CCNJ: variants seen among roughly 807,000 people sequenced by gnomAD.
CCNJ encodes cyclin J.
A neutral mutation model predicts 41.4 loss-of-function variants in CCNJ; 12 were observed. The ratio of observed to expected loss-of-function variants is 0.29; its 90% CI spans 0.19 to 0.47. CCNJ has a LOEUF of 0.47. Among genes scored for constraint, CCNJ ranks in the 20% least tolerant of loss-of-function variants. The pLI, the probability that CCNJ is intolerant of heterozygous loss-of-function variation, is 1.00. For synonymous variants in CCNJ, 161 were observed against 173.4 expected, an observed-to-expected ratio of 0.93 and a Z score of 0.56; for missense variants, 340 against 464.6, an observed-to-expected ratio of 0.73 and a Z score of 2.47.
At chr10:96,054,962 C>T (rs746239481) in intron 3 of CCNJ, among the ~76,000 whole-genome samples, 7 of 152,284 alleles carry the variant, frequency 4.6e-5, no homozygotes, top group African/African-American at 1.4e-4. Context: ...ATGATTCATC[C>T]AGAGACACTG....
rs1208589587 is a variant in CCNJ, at chr10:96,057,118, T to C, written c.611T>C (p.Leu204Ser). 2.5e-6 allele frequency: 4 copies of C among 1,614,158 alleles called. No individual in the cohort carries two copies. Among genetic ancestry groups the C allele is most frequent in the South Asian group, 1.1e-5 (1 of 91,080 alleles). The stretch of plus-strand genomic sequence containing the variant: ...GCCTTTCTAAATTATGCACCTTCTT[T>C]AGTAGCTGCTGCATGTGTGGCTTCT... ...DYAFLNYAPS[L>S]VAAACVASSR... is the part of the protein sequence containing the mutation. Residue 204 changes from leucine (L) to serine (S), a missense_variant, in exon 5 of 6, where the codon TTA (leucine) becomes TCA (serine). Coordinates refer to ENST00000465148, the MANE Select transcript of CCNJ (RefSeq NM_001134375.2).
chr10:96,043,763 G>A, intron 1 of CCNJ, 44 bp downstream of exon 1: 1 of 387,874 alleles, frequency 2.6e-6, no homozygotes, highest in Non-Finnish European at 4.6e-6. Flanking sequence ...CAGGCCTGGG[G>A]TAGGCGTGGG....
intron 2 of CCNJ, among the ~76,000 whole-genome samples, chr10:96,046,589 C>G (rs1217881066): frequency 6.6e-6 from 1 of 152,168 alleles, no homozygotes; most frequent in Admixed American, 6.5e-5. Context: ...CTAACCTTAT[C>G]TATAATTTAG....
chr10:96,051,698 A>G (rs1474560327), intron 3 of CCNJ, among the ~76,000 whole-genome samples: 1 of 152,210 alleles, frequency 6.6e-6, no homozygotes, highest in African/African-American at 2.4e-5. Flanking sequence ...GGCTGCTTAT[A>G]AATCTAAAAC....
intron 3 of CCNJ, among the ~76,000 whole-genome samples, chr10:96,052,112 G>C (rs1352044935): frequency 6.6e-6 from 1 of 152,164 alleles, no homozygotes; most frequent in South Asian, 2.1e-4. Flanking sequence ...CCAGGAGCCA[G>C]AGAGGTAATG....
intron 3 of CCNJ, among the ~76,000 whole-genome samples, chr10:96,055,197 G>C (rs1376045294): frequency 2.6e-5 from 4 of 152,170 alleles, no homozygotes; most frequent in African/African-American, 9.7e-5. Flanking sequence ...ACTTAAGTTT[G>C]GGATCAACTT....
At position 96,050,253 on chromosome 10, in the gene CCNJ, T is replaced by C; in HGVS notation, c.70-3T>C. 1 of 1,609,922 alleles carries C rather than the reference T, an allele frequency of 6.2e-7. No homozygotes were observed. Among genetic ancestry groups the C allele is most frequent in the African/African-American group, 1.3e-5 (1 of 74,930 alleles). ...AGACTAAATGTTGTTCCTTTTGACT[T>C]AGGAGCTGAAGTTGCCCTCCTATAA... On this transcript the variant is annotated splice_polypyrimidine_tract_variant and splice_region_variant and intron_variant, in intron 2 of 5. Coordinates refer to ENST00000465148, the MANE Select transcript of CCNJ (RefSeq NM_001134375.2).
At chr10:96,054,210 C>G (rs538056295) in intron 3 of CCNJ, among the ~76,000 whole-genome samples, 2 of 152,236 alleles carry the variant, frequency 1.3e-5, no homozygotes, top group South Asian at 4.1e-4. Flanking sequence ...TATTTGGGGC[C>G]TTTATCAATA....
At chr10:96,047,702 C>T (rs2080402360) in intron 2 of CCNJ, among the ~76,000 whole-genome samples, 1 of 152,208 alleles carries the variant, frequency 6.6e-6, no homozygotes, top group Admixed American at 6.5e-5. Context: ...ATCCATTTAT[C>T]TTAGGTAATA....
chr10:96,051,303 A>G (rs979924692), intron 3 of CCNJ, among the ~76,000 whole-genome samples: 7 of 152,206 alleles, frequency 4.6e-5, no homozygotes, highest in Non-Finnish European at 7.3e-5. Flanking sequence ...CACTGAAGAT[A>G]GGGCACGTAA....
rs776605164 is a variant in CCNJ at position 96,044,410 on chromosome 10, A to G, written c.17A>G (p.Gln6Arg). The G allele has an allele frequency of 6.4e-7, 1 of 1,563,100 alleles. No individual in the cohort carries two copies. Among genetic ancestry groups the G allele is most frequent in the South Asian group, 1.2e-5 (1 of 85,512 alleles). ...CCGGGTCCCATGGAGCTGGAGGGGC[A>G]GTGGTGGCGAGGACAGCTGGCCGCC... MELEGQWWRGQLAADI... is the reference protein window; with the variant it reads MELEGRWWRGQLAADI... Residue 6 changes from glutamine to arginine, a missense_variant, in exon 2 of 6, where the codon CAG (glutamine) becomes CGG (arginine). This residue lies in a region of CCNJ where 44 missense variants were observed against 43.6 expected (regional missense o/e 1.01). Transcript: ENST00000465148.
chr10:96,057,268 G>A lies in CCNJ; in HGVS notation c.740+21G>A, dbSNP rs761646298. The A allele has an allele frequency of 2.5e-6, 4 of 1,604,606 alleles. No homozygotes were observed. The Admixed American group carries it at 6.7e-5, about 27-fold the overall frequency. On this transcript the variant is annotated intron_variant, in intron 5 of 5. Coordinates refer to ENST00000465148, the MANE Select transcript of CCNJ (RefSeq NM_001134375.2). Reference sequence around the variant, plus strand: ...TTGATGTAAGCCTTTTTATTCTTGTGTTTGTACTTTCTCATTAACAGTTTT... The same window carrying A: ...TTGATGTAAGCCTTTTTATTCTTGTATTTGTACTTTCTCATTAACAGTTTT...
chr10:96,044,229 T>G (rs546201474), intron 1 of CCNJ, 124 bp from the exon 2 acceptor site: 1 of 447,866 alleles, frequency 2.2e-6, no homozygotes. Context: ...TCGGGCTGGG[T>G]TGAGGAAGAG....
chr10:96,044,392 C>T lies in CCNJ; in HGVS notation c.-2C>T. 6.5e-7 allele frequency: 1 copy of T among 1,535,644 alleles called. No homozygotes were observed. The highest frequency in any genetic ancestry group is 8.8e-7 in the Non-Finnish European group (1 of 1,134,398). Reference sequence around the variant, plus strand: ...GTCGGGCTGGGCGCGCCGCCGGGTCCCATGGAGCTGGAGGGGCAGTGGTGG... The same window carrying T: ...GTCGGGCTGGGCGCGCCGCCGGGTCTCATGGAGCTGGAGGGGCAGTGGTGG... On this transcript the variant is annotated 5_prime_UTR_variant, in exon 2 of 6. Coordinates refer to ENST00000465148, the MANE Select transcript of CCNJ (RefSeq NM_001134375.2).
chr10:96,055,747 T>C (rs2080666521), intron 3 of CCNJ, among the ~76,000 whole-genome samples: 1 of 152,252 alleles, frequency 6.6e-6, no homozygotes, highest in South Asian at 2.1e-4. Context: ...TTACTCCTAT[T>C]CTGCTTTCAG....
At chr10:96,043,170 A>G (rs937005943), upstream of CCNJ, among the ~76,000 whole-genome samples, 2 of 152,208 alleles carry the variant, frequency 1.3e-5, no homozygotes, top group Non-Finnish European at 2.9e-5. Context: ...AGACTTTTAA[A>G]CGCCAAACTG....
rs971669672 is a variant in CCNJ, at chr10:96,043,663, G to T, written c.-98G>T. 2.5e-6 allele frequency: 1 copy of T among 394,604 alleles called. No individual in the cohort carries two copies. Among genetic ancestry groups the T allele is most frequent in the Non-Finnish European group, 4.5e-6 (1 of 223,382 alleles). 24.4% of individuals were successfully genotyped at this position (394,604 alleles called of 1,614,324 possible). On this transcript the variant is annotated 5_prime_UTR_variant, in exon 1 of 6. Transcript: ENST00000465148. ...GCGGCCCACTGTCCGCAGCATGAGC[G>T]GGGCCGGCGTCCGCCGCACGACGGC...
intron 2 of CCNJ, 122 bp from the exon 3 acceptor site, chr10:96,050,134 T>A: frequency 1.4e-6 from 1 of 718,066 alleles, no homozygotes; most frequent in Non-Finnish European, 2.4e-6. Flanking sequence ...TGTATTCCAG[T>A]CAAGAAAAGT....
chr10:96,056,676 C>T, intron 3 of CCNJ, 25 bp from the exon 4 acceptor site: 2 of 1,537,976 alleles, frequency 1.3e-6, no homozygotes, highest in East Asian at 2.2e-5. Context: ...ATTTTCTCTC[C>T]CCTCCCATCC....
Sources: allele counts gnomAD v4.1 joint callset (sites outside exome capture counted in the v4.1 genomes callset), GRCh38; gene constraint gnomAD v4.1.1; regional missense constraint gnomAD v4.1.1; transcripts MANE v1.5; gene names NCBI Gene and HGNC (gene_info 2026-07-23, HGNC 2026-07-21).